Variants in FAM120B observed in about 807,000 individuals in gnomAD.
The protein encoded by FAM120B is family with sequence similarity 120 member B.
A neutral mutation model predicts 96.3 loss-of-function variants in FAM120B; 83 were observed. The observed-to-expected ratio is 0.86, with a 90% CI of 0.72 to 1.03. The LOEUF (loss-of-function observed/expected upper bound fraction) is 1.03, where lower values mean the gene tolerates loss of function less well. FAM120B is among the 50% of genes least tolerant of loss of function. The pLI, the probability that FAM120B is intolerant of heterozygous loss-of-function variation, is 0.00. For missense variants in FAM120B, 1,027 were observed against 1,121.2 expected (o/e 0.92, Z 1.20); for synonymous variants, 407 against 402.7 (o/e 1.01, Z -0.13).
intron 6 of FAM120B, among the ~76,000 whole-genome samples, chr6:170,359,262 G>A (rs1788173378): frequency 6.6e-6 from 1 of 152,050 alleles, no homozygotes; most frequent in South Asian, 2.1e-4. Context: ...TTAGCCAGGT[G>A]TGTGCCTGTA....
At chr6:170,395,429 G>A in intron 8 of FAM120B, 58 bp from the exon 9 acceptor site, 2 of 1,346,912 alleles carry the variant, frequency 1.5e-6, no homozygotes, top group Non-Finnish European at 2.1e-6. Context: ...TACATGCTGT[G>A]TCATTTGGGT....
At position 170,318,525 on chromosome 6, in the gene FAM120B, A is replaced by T; in HGVS notation, c.1135A>T (p.Met379Leu). ...TDSEPRQEVP[M>L]CSDPEPRQEV... ...TTCTGAACCCAGGCAAGAAGTTCCC[A>T]TGTGTTCAGACCCTGAACCCAGGCA... Residue 379 changes from methionine (M) to leucine (L), a missense_variant, in exon 2 of 11, where the codon ATG becomes TTG. Transcript: ENST00000476287. The T allele has an allele frequency of 6.3e-7, 1 of 1,579,984 alleles. No individual in the cohort carries two copies. Among genetic ancestry groups the T allele is most frequent in the Non-Finnish European group, 8.6e-7 (1 of 1,160,562 alleles).
At chr6:170,380,051 A>C (rs73038655) in intron 6 of FAM120B, among the ~76,000 whole-genome samples, 4 of 152,064 alleles carry the variant, frequency 2.6e-5, no homozygotes, top group Admixed American at 2.6e-4. Flanking sequence ...GTCTGTTTAT[A>C]TGTATTTGGC....
At chr6:170,379,244 T>C (rs1583294395) in intron 6 of FAM120B, among the ~76,000 whole-genome samples, 2 of 152,250 alleles carry the variant, frequency 1.3e-5, no homozygotes, top group South Asian at 2.1e-4. Flanking sequence ...CTTTATGATA[T>C]AGTCAATAAA....
chr6:170,364,171 C>G (rs1228329848), intron 6 of FAM120B, among the ~76,000 whole-genome samples: 2 of 152,192 alleles, frequency 1.3e-5, no homozygotes, highest in African/African-American at 4.8e-5. Context: ...GAAGCAAAGG[C>G]TGAAAAATGC....
intron 1 of FAM120B, among the ~76,000 whole-genome samples, chr6:170,307,187 C>A (rs1310784363): frequency 6.6e-6 from 1 of 152,196 alleles, no homozygotes; most frequent in African/African-American, 2.4e-5. Flanking sequence ...GTGTGTTTGG[C>A]TCCTATATGT....
At chr6:170,310,094 A>G (rs1583176330) in intron 1 of FAM120B, among the ~76,000 whole-genome samples, 3 of 152,144 alleles carry the variant, frequency 2.0e-5, no homozygotes, top group African/African-American at 4.8e-5. Flanking sequence ...CAAAGTTTCT[A>G]TATTTTTCTC....
At chr6:170,394,275 G>C (rs972650277) in intron 8 of FAM120B, among the ~76,000 whole-genome samples, 2 of 152,236 alleles carry the variant, frequency 1.3e-5, no homozygotes, top group African/African-American at 2.4e-5. Flanking sequence ...CTGAATGCCA[G>C]GCAAGTCGTG....
intron 3 of FAM120B, among the ~76,000 whole-genome samples, chr6:170,324,513 C>G (rs1477647900): frequency 6.6e-6 from 1 of 152,130 alleles, no homozygotes; most frequent in African/African-American, 2.4e-5. Flanking sequence ...CACATTGACT[C>G]TAATGATGGA....
At chr6:170,361,219 T>TACATAC (rs1454789989) in intron 6 of FAM120B, among the ~76,000 whole-genome samples, 2 of 116,360 alleles carry the variant, frequency 1.7e-5, no homozygotes, top group African/African-American at 6.9e-5. Context: ...TATATATATA[T>TACATAC]ATATATATAT....
At position 170,317,926 on chromosome 6, in the gene FAM120B, A is replaced by C; in HGVS notation, c.536A>C (p.Asp179Ala). 5.0e-6 allele frequency: 8 copies of C among 1,614,178 alleles called. No homozygotes were observed. The highest frequency in any genetic ancestry group is 6.8e-6 in the Non-Finnish European group (8 of 1,180,016). Residue 179 changes from aspartate to alanine, a missense_variant, in exon 2 of 11, where the codon GAC becomes GCC. Transcript: ENST00000476287. ...QHNCLGILGE[D>A]TDYLIYDTCP... ...AACTGTCTTGGGATTCTGGGGGAAG[A>C]CACTGATTACCTAATCTATGACACT...
chr6:170,326,040 G>C (rs62425621), intron 3 of FAM120B, among the ~76,000 whole-genome samples: 7 of 151,846 alleles, frequency 4.6e-5, no homozygotes, highest in Non-Finnish European at 2.9e-5. Flanking sequence ...TGCTATTGTC[G>C]TTTTATGTCT....
chr6:170,334,654 C>G (rs953691479), intron 4 of FAM120B, among the ~76,000 whole-genome samples: 4 of 152,128 alleles, frequency 2.6e-5, no homozygotes, highest in African/African-American at 7.2e-5. Flanking sequence ...GTGTCTGAAA[C>G]TGCCCCGACC....
intron 6 of FAM120B, among the ~76,000 whole-genome samples, chr6:170,359,698 C>G (rs1419950870): frequency 6.6e-6 from 1 of 152,128 alleles, no homozygotes; most frequent in Non-Finnish European, 1.5e-5. Flanking sequence ...CTGGGCCTCC[C>G]AAAGTGCTGG....
intron 9 of FAM120B, among the ~76,000 whole-genome samples, chr6:170,398,211 G>A (rs1295348195): frequency 3.9e-5 from 6 of 152,248 alleles, no homozygotes; most frequent in Non-Finnish European, 8.8e-5. Flanking sequence ...CATCTGGCCT[G>A]GATAACCTTG....
At chr6:170,361,219 T>TAC (rs1454789989) in intron 6 of FAM120B, among the ~76,000 whole-genome samples, 47 of 116,320 alleles carry the variant, frequency 4.0e-4, no homozygotes, top group African/African-American at 1.5e-3. Flanking sequence ...TATATATATA[T>TAC]ATATATATAT....
At chr6:170,353,992 G>C (rs1423599765) in intron 5 of FAM120B, among the ~76,000 whole-genome samples, 1 of 152,184 alleles carries the variant, frequency 6.6e-6, no homozygotes, top group East Asian at 1.9e-4. Flanking sequence ...GGGCAAAGCT[G>C]GAGGCATCAT....
chr6:170,375,910 G>C (rs1027011282), intron 6 of FAM120B, among the ~76,000 whole-genome samples: 1 of 152,192 alleles, frequency 6.6e-6, no homozygotes, highest in Non-Finnish European at 1.5e-5. Flanking sequence ...ACAAGGGAAG[G>C]AGCGGGACTG....
intron 6 of FAM120B, among the ~76,000 whole-genome samples, chr6:170,374,751 A>G (rs1789408725): frequency 6.6e-6 from 1 of 152,210 alleles, no homozygotes; most frequent in Non-Finnish European, 1.5e-5. Flanking sequence ...TGTCTGACCC[A>G]GGATGGCATC....
Sources: allele counts gnomAD v4.1 joint callset (sites outside exome capture counted in the v4.1 genomes callset), GRCh38; gene constraint gnomAD v4.1.1; transcripts MANE v1.5; gene names NCBI Gene and HGNC (gene_info 2026-07-23, HGNC 2026-07-21).